Variants in SPOCK3 observed in about 807,000 individuals in gnomAD.
SPOCK3 encodes testican-3.
SPOCK3 carries 30 observed loss-of-function variants against 56.6 expected under a neutral mutation model. The ratio of observed to expected loss-of-function variants is 0.53; its 90% CI spans 0.40 to 0.72. The LOEUF (loss-of-function observed/expected upper bound fraction) is 0.72, where lower values mean the gene tolerates loss of function less well. Among genes scored for constraint, SPOCK3 ranks in the 30% least tolerant of loss-of-function variants. SPOCK3 has a pLI of 0.00. For missense variants in SPOCK3, 527 were observed against 530.0 expected (o/e 0.99, Z 0.06); for synonymous variants, 196 against 183.3 (o/e 1.07, Z -0.56).
intron 6 of SPOCK3, among the ~76,000 whole-genome samples, chr4:166,793,843 A>T (rs1257931787): frequency 6.6e-6 from 1 of 152,194 alleles, no homozygotes; most frequent in African/African-American, 2.4e-5. Context: ...TAAGGTAAAG[A>T]AATTTTTACA....
chr4:166,977,695 G>C (rs1746110806), intron 4 of SPOCK3, among the ~76,000 whole-genome samples: 1 of 152,112 alleles, frequency 6.6e-6, no homozygotes, highest in East Asian at 1.9e-4. Flanking sequence ...GCATTCTAGA[G>C]TAAGTCATTT....
chr4:167,181,091 A>T lies in SPOCK3; in HGVS notation c.189+52894T>A, dbSNP rs144494727. Among the ~76,000 whole-genome samples, 75 of 152,168 alleles carry T rather than the reference A, an allele frequency of 4.9e-4. 1 individual carries two copies. The highest frequency in any genetic ancestry group is 1.2e-3 in the Admixed American group (18 of 15,280). On this transcript the variant is annotated intron_variant, in intron 2 of 10. Coordinates refer to ENST00000357545, the MANE Select transcript of SPOCK3 (RefSeq NM_001040159.2). ...ATAGGTTAATGACTTCCAAATGTATACCTCTGTTCCCATTTTTTCCTTAAT... is the reference window on the plus strand; with the variant it reads ...ATAGGTTAATGACTTCCAAATGTATTCCTCTGTTCCCATTTTTTCCTTAAT...
intron 4 of SPOCK3, among the ~76,000 whole-genome samples, chr4:166,977,379 G>A (rs35142952): frequency 0.024 from 3,590 of 152,112 alleles, 75 homozygotes; most frequent in Middle Eastern, 0.063. Context: ...TGTATAAAGA[G>A]TTGTAAATCT....
At chr4:167,225,835 A>G (rs1464510870) in intron 2 of SPOCK3, among the ~76,000 whole-genome samples, 1 of 152,134 alleles carries the variant, frequency 6.6e-6, no homozygotes, top group African/African-American at 2.4e-5. Flanking sequence ...GATTTGCTGC[A>G]GTTTTTATTT....
At chr4:166,936,194 T>C (rs1470484857) in intron 4 of SPOCK3, among the ~76,000 whole-genome samples, 1 of 152,176 alleles carries the variant, frequency 6.6e-6, no homozygotes, top group Admixed American at 6.5e-5. Flanking sequence ...CTGTGATGCA[T>C]TATCATTTTA....
intron 5 of SPOCK3, among the ~76,000 whole-genome samples, chr4:166,899,816 C>T (rs549333340): frequency 2.0e-4 from 30 of 152,238 alleles, no homozygotes; most frequent in African/African-American, 6.7e-4. Flanking sequence ...TGCCCAGCCC[C>T]TGTTTACTAT....
rs543637252 is a variant in SPOCK3 at position 167,083,977 on chromosome 4, T to C, written c.190-21440A>G. Among the ~76,000 whole-genome samples the C allele has an allele frequency of 8.5e-5, 13 of 152,258 alleles. No homozygotes were observed. The South Asian group carries it at 2.3e-3, about 27-fold the overall frequency. On this transcript the variant is annotated intron_variant, in intron 2 of 10. Coordinates refer to ENST00000357545, the MANE Select transcript of SPOCK3 (RefSeq NM_001040159.2). ...GAAATGTCAGTAACTTGGGTGACTA[T>C]TTAGCAGAAAGGTCAGGTGTTTTTC...
chr4:166,922,788 A>G (rs1280869147), intron 4 of SPOCK3, among the ~76,000 whole-genome samples: 1 of 152,216 alleles, frequency 6.6e-6, no homozygotes, highest in African/African-American at 2.4e-5. Flanking sequence ...TAATCACAGT[A>G]TGATATTGCA....
intron 3 of SPOCK3, among the ~76,000 whole-genome samples, chr4:167,048,037 C>G (rs781650829): frequency 6.6e-6 from 1 of 151,768 alleles, no homozygotes; most frequent in Non-Finnish European, 1.5e-5. Flanking sequence ...TACTTTGTAT[C>G]GAAAAGAAAA....
chr4:167,116,171 C>T (rs913270065), intron 2 of SPOCK3, among the ~76,000 whole-genome samples: 2 of 151,608 alleles, frequency 1.3e-5, no homozygotes, highest in African/African-American at 4.8e-5. Context: ...TAAAAATACC[C>T]AAGAGGTATC....
chr4:167,023,031 C>T (rs571932090), intron 3 of SPOCK3, among the ~76,000 whole-genome samples: 4 of 152,094 alleles, frequency 2.6e-5, no homozygotes, highest in African/African-American at 9.6e-5. Flanking sequence ...TTCATGTACA[C>T]AATGATTGTG....
At chr4:167,138,353 T>C (rs1359040203) in intron 2 of SPOCK3, among the ~76,000 whole-genome samples, 1 of 151,926 alleles carries the variant, frequency 6.6e-6, no homozygotes, top group Admixed American at 6.6e-5. Context: ...AAAAAGGTTA[T>C]TCTTATTATT....
At chr4:167,119,012 T>A (rs894685631) in intron 2 of SPOCK3, among the ~76,000 whole-genome samples, 2 of 152,042 alleles carry the variant, frequency 1.3e-5, no homozygotes, top group African/African-American at 4.8e-5. Context: ...TTTATCTACA[T>A]GCCTAGAAAT....
intron 2 of SPOCK3, among the ~76,000 whole-genome samples, chr4:167,162,261 A>T (rs1765385787): frequency 6.6e-6 from 1 of 152,060 alleles, no homozygotes; most frequent in Admixed American, 6.6e-5. Flanking sequence ...AACTTAAATA[A>T]ATCTGTGTGC....
intron 6 of SPOCK3, among the ~76,000 whole-genome samples, chr4:166,841,757 C>G (rs1270391188): frequency 6.6e-6 from 1 of 152,220 alleles, no homozygotes; most frequent in African/African-American, 2.4e-5. Context: ...CTACCTCCTG[C>G]TCTGTACAGC....
At chr4:167,089,201 A>G (rs1758489957) in intron 2 of SPOCK3, among the ~76,000 whole-genome samples, 1 of 152,138 alleles carries the variant, frequency 6.6e-6, no homozygotes, top group African/African-American at 2.4e-5. Flanking sequence ...CATTTGAGAT[A>G]ATACAACTGT....
intron 2 of SPOCK3, among the ~76,000 whole-genome samples, chr4:167,121,124 T>C (rs1761832272): frequency 6.6e-6 from 1 of 151,394 alleles, no homozygotes; most frequent in Admixed American, 6.6e-5. Flanking sequence ...AAATCAATCA[T>C]GAAAAAATGA....
chr4:166,833,911 G>A (rs572413072), intron 6 of SPOCK3, among the ~76,000 whole-genome samples: 1 of 152,284 alleles, frequency 6.6e-6, no homozygotes, highest in Admixed American at 6.5e-5. Flanking sequence ...AGAGCGGTTT[G>A]TTCCTCTGCT....
intron 7 of SPOCK3, among the ~76,000 whole-genome samples, chr4:166,769,550 T>A (rs571019004): frequency 1.3e-5 from 2 of 152,294 alleles, no homozygotes; most frequent in South Asian, 2.1e-4. Context: ...CTCTGGAAGC[T>A]TCGTCTCAGA....
Sources: allele counts gnomAD v4.1 joint callset (sites outside exome capture counted in the v4.1 genomes callset), GRCh38; gene constraint gnomAD v4.1.1; transcripts MANE v1.5; gene names NCBI Gene and HGNC (gene_info 2026-07-23, HGNC 2026-07-21).